Variants in HECW1 observed in about 807,000 individuals in gnomAD.
HECW1 encodes the protein HECT, C2 and WW domain containing E3 ubiquitin protein ligase 1, also known as E3 ubiquitin-protein ligase HECW1.
HECW1 carries 61 observed loss-of-function variants against 182.3 expected under a neutral mutation model. That is an observed-to-expected ratio of 0.33 (90% CI 0.27 to 0.41). The LOEUF is 0.41. Among genes scored for constraint, HECW1 ranks in the 10% least tolerant of loss-of-function variants. The pLI is 1.00. For synonymous variants in HECW1, 859 were observed against 832.6 expected (o/e 1.03, Z -0.55); for missense variants, 1,739 against 2,108.9 (o/e 0.82, Z 3.44).
At chr7:43,430,352 A>C (rs2076506419) in intron 8 of HECW1, among the ~76,000 whole-genome samples, 1 of 152,190 alleles carries the variant, frequency 6.6e-6, no homozygotes, top group African/African-American at 2.4e-5. Flanking sequence ...CCCACGGCAC[A>C]ATTTTCCTTT....
intron 3 of HECW1, among the ~76,000 whole-genome samples, chr7:43,286,683 C>A (rs914851232): frequency 2.0e-5 from 3 of 152,072 alleles, no homozygotes; most frequent in African/African-American, 7.3e-5. Context: ...CCCACCCCCC[C>A]AAAGGTGTTT....
chr7:43,153,328 G>A (rs1297648140), intron 2 of HECW1, among the ~76,000 whole-genome samples: 2 of 152,122 alleles, frequency 1.3e-5, no homozygotes, highest in Non-Finnish European at 2.9e-5. Context: ...ATGGAGATGG[G>A]CATATGTATT....
chr7:43,507,867 C>T (rs936752545), intron 22 of HECW1, 151 bp from the exon 23 acceptor site: 7 of 588,022 alleles, frequency 1.2e-5, no homozygotes, highest in East Asian at 8.5e-5. Context: ...GATAATCCCT[C>T]GATGAACTGA....
chr7:43,530,376 T>C (rs1001165220), intron 24 of HECW1, among the ~76,000 whole-genome samples: 3 of 152,066 alleles, frequency 2.0e-5, no homozygotes, highest in African/African-American at 7.2e-5. Flanking sequence ...TTATTATAAG[T>C]AAATAAACAT....
chr7:43,412,374 T>A (rs566169283), intron 8 of HECW1, among the ~76,000 whole-genome samples: 14 of 152,048 alleles, frequency 9.2e-5, no homozygotes, highest in South Asian at 4.1e-4. Context: ...GAAAAAAATA[T>A]AGTCCTTAAT....
intron 23 of HECW1, chr7:43,508,589 TAC>T (rs147874885): frequency 0.15 from 37,161 of 252,664 alleles, 3,457 homozygotes; most frequent in Non-Finnish European, 0.18. Context: ...CACATACACA[TAC>T]ACACACACAC....
At chr7:43,337,251 A>G (rs1812414619) in intron 5 of HECW1, among the ~76,000 whole-genome samples, 1 of 152,204 alleles carries the variant, frequency 6.6e-6, no homozygotes, top group South Asian at 2.1e-4. Flanking sequence ...CTAGTATAAT[A>G]TCTCACTGTG....
intron 2 of HECW1, among the ~76,000 whole-genome samples, chr7:43,159,508 T>A (rs1479380650): frequency 6.6e-6 from 1 of 152,084 alleles, no homozygotes; most frequent in East Asian, 1.9e-4. Context: ...TTAAAAAAAA[T>A]TTCTAAAAAG....
chr7:43,407,962 C>T (rs1228684060), intron 8 of HECW1, among the ~76,000 whole-genome samples: 1 of 152,184 alleles, frequency 6.6e-6, no homozygotes, highest in Admixed American at 6.5e-5. Context: ...GCAGTAGCCT[C>T]TTCTGATTCA....
At chr7:43,153,254 G>A (rs1225737262) in intron 2 of HECW1, among the ~76,000 whole-genome samples, 1 of 151,866 alleles carries the variant, frequency 6.6e-6, no homozygotes, top group East Asian at 1.9e-4. Flanking sequence ...GAATTTTCTT[G>A]TCCTTGTGAA....
intron 5 of HECW1, among the ~76,000 whole-genome samples, chr7:43,344,812 G>T (rs1813463634): frequency 6.6e-6 from 1 of 151,824 alleles, no homozygotes; most frequent in African/African-American, 2.4e-5. Flanking sequence ...TATTCATTGA[G>T]TTCACTATTT....
intron 29 of HECW1, 102 bp from the exon 30 acceptor site, chr7:43,561,713 A>T (rs1295344204): frequency 1.3e-6 from 1 of 749,528 alleles, no homozygotes; most frequent in Non-Finnish European, 2.3e-6. Flanking sequence ...GGTCCTGCTC[A>T]CTTTTGATTC....
chr7:43,343,614 G>A (rs1314045179), intron 5 of HECW1, among the ~76,000 whole-genome samples: 1 of 151,708 alleles, frequency 6.6e-6, no homozygotes, highest in Non-Finnish European at 1.5e-5. Flanking sequence ...TTTTATGGCT[G>A]CATAGTATTC....
chr7:43,301,006 G>A (rs998784730), intron 3 of HECW1, among the ~76,000 whole-genome samples: 1 of 152,160 alleles, frequency 6.6e-6, no homozygotes, highest in Non-Finnish European at 1.5e-5. Context: ...TGGCATTCAG[G>A]AGAGCTATAC....
intron 5 of HECW1, among the ~76,000 whole-genome samples, chr7:43,351,496 C>A (rs935782781): frequency 1.3e-5 from 2 of 152,040 alleles, no homozygotes; most frequent in African/African-American, 4.8e-5. Context: ...GGGGGCAGGG[C>A]TAGACGTGTC....
chr7:43,204,808 A>G (rs1164219487), intron 2 of HECW1, among the ~76,000 whole-genome samples: 1 of 152,202 alleles, frequency 6.6e-6, no homozygotes. Context: ...AAAGTCTCCT[A>G]TCTTTAGGAC....
intron 4 of HECW1, 118 bp downstream of exon 4, chr7:43,312,205 T>G: frequency 1.1e-6 from 1 of 948,362 alleles, no homozygotes; most frequent in Non-Finnish European, 1.6e-6. Flanking sequence ...TGCCAGATTC[T>G]AACACACTGA....
At chr7:43,389,374 G>A (rs1201734095) in intron 6 of HECW1, among the ~76,000 whole-genome samples, 6 of 152,194 alleles carry the variant, frequency 3.9e-5, no homozygotes, top group Non-Finnish European at 7.3e-5. Flanking sequence ...CCCTGTAGGC[G>A]ATTCTGATGC....
intron 3 of HECW1, chr7:43,311,500 C>A: frequency 1.5e-6 from 1 of 663,954 alleles, no homozygotes; most frequent in South Asian, 1.5e-5. Context: ...TGGGTTAGAG[C>A]CGGGAGAGGC....
Sources: allele counts gnomAD v4.1 joint callset (sites outside exome capture counted in the v4.1 genomes callset), GRCh38; gene constraint gnomAD v4.1.1; transcripts MANE v1.5; gene names NCBI Gene and HGNC (gene_info 2026-07-23, HGNC 2026-07-21).